The following AP3B1 variants were observed in gnomAD, a reference collection of about 807,000 sequenced individuals.
AP3B1 encodes AP-3 complex subunit beta-1.
AP3B1 carries 61 observed loss-of-function variants against 132.5 expected under a neutral mutation model. The ratio of observed to expected loss-of-function variants is 0.46; its 90% CI spans 0.37 to 0.57. AP3B1 has a LOEUF of 0.57. Among genes scored for constraint, AP3B1 ranks in the 20% least tolerant of loss-of-function variants. The pLI, the probability that AP3B1 is intolerant of heterozygous loss-of-function variation, is 0.00. For missense variants in AP3B1, 1,120 were observed against 1,289.4 expected, an observed-to-expected ratio of 0.87 and a Z score of 2.01; for synonymous variants, 388 against 438.3, an observed-to-expected ratio of 0.89 and a Z score of 1.43.
chr5:78,099,138 A>G (rs1286122010), intron 21 of AP3B1, among the ~76,000 whole-genome samples: 4 of 152,198 alleles, frequency 2.6e-5, no homozygotes, highest in African/African-American at 9.7e-5. Context: ...CTATCTCTGA[A>G]GCAGAGCTAG....
intron 8 of AP3B1, 103 bp from the exon 9 acceptor site, chr5:78,177,539 C>T (rs1161631437): frequency 2.2e-6 from 2 of 889,260 alleles, no homozygotes; most frequent in Non-Finnish European, 3.8e-6. Flanking sequence ...CTACAAATTC[C>T]TGTGACGTAA....
intron 17 of AP3B1, among the ~76,000 whole-genome samples, chr5:78,124,019 T>TA (rs1211138608): frequency 2.0e-5 from 3 of 152,104 alleles, no homozygotes; most frequent in African/African-American, 7.2e-5. Context: ...TATGCAGCCA[T>TA]AAAAAATGAT....
chr5:78,275,493 T>G lies in AP3B1; in HGVS notation c.129-7898A>C, dbSNP rs553086751. On this transcript the variant is annotated intron_variant, in intron 1 of 26. Transcript: ENST00000255194. ...TAATCATGATAGGCAATTTTTTTTTTTGGGGGACAGTCTTGCTCTGTCACC... is the reference window on the plus strand; with the variant it reads ...TAATCATGATAGGCAATTTTTTTTTGTGGGGGACAGTCTTGCTCTGTCACC... Among the ~76,000 whole-genome samples the G allele has an allele frequency of 1.1e-3, 165 of 152,280 alleles. 1 individual carries two copies. Among genetic ancestry groups the G allele is most frequent in the African/African-American group, 3.7e-3 (154 of 41,558 alleles).
chr5:78,015,479 A>G lies in AP3B1; in HGVS notation c.3062T>C (p.Val1021Ala), dbSNP rs781365567. ...TACATTTACAACCTTCTGAAAGATC[A>G]CAGAGGGAGTGAAATTCTGTGGTGC... ...IAAPQNFTPS[V>A]IFQKVVNVAN... Residue 1021 changes from valine to alanine, a missense_variant, in exon 26 of 27, where the codon GTG (valine) becomes GCG (alanine). Val to Ala is a moderately conservative substitution (Grantham distance 64, BLOSUM62 0). Transcript: ENST00000255194. 13 of 1,613,776 alleles carry G rather than the reference A, an allele frequency of 8.1e-6. No homozygotes were observed. The highest frequency in any genetic ancestry group is 1.0e-5 in the Non-Finnish European group (12 of 1,179,760).
chr5:78,080,598 G>C (rs1445644332), intron 22 of AP3B1, among the ~76,000 whole-genome samples: 2 of 137,974 alleles, frequency 1.4e-5, no homozygotes, highest in African/African-American at 5.4e-5. Context: ...ATTACTCTCT[G>C]AAATACCCAC....
intron 16 of AP3B1, 63 bp from the exon 17 acceptor site, chr5:78,128,223 A>C: frequency 7.2e-7 from 1 of 1,396,076 alleles, no homozygotes; most frequent in Non-Finnish European, 9.9e-7. Context: ...GAGAACAATC[A>C]TAATCAGAGC....
intron 22 of AP3B1, among the ~76,000 whole-genome samples, chr5:78,075,366 T>C (rs547210404): frequency 3.3e-5 from 5 of 152,334 alleles, no homozygotes; most frequent in African/African-American, 1.2e-4. Flanking sequence ...TCATGAATTA[T>C]GGTTTGTTTT....
chr5:78,074,889 C>A (rs374462235), intron 22 of AP3B1, among the ~76,000 whole-genome samples: 127 of 152,134 alleles, frequency 8.3e-4, no homozygotes, highest in African/African-American at 3.0e-3. Context: ...GCTGAGATTG[C>A]GCCACTGCAC....
At chr5:78,237,808 G>A (rs960040038) in intron 3 of AP3B1, among the ~76,000 whole-genome samples, 12 of 151,944 alleles carry the variant, frequency 7.9e-5, no homozygotes, top group African/African-American at 2.7e-4. Flanking sequence ...GCGAGACCCT[G>A]TCTCCAAAAA....
At chr5:78,026,310 T>A (rs1278183013) in intron 24 of AP3B1, among the ~76,000 whole-genome samples, 3 of 152,238 alleles carry the variant, frequency 2.0e-5, no homozygotes, top group Non-Finnish European at 4.4e-5. Context: ...AGATTCTACT[T>A]GGTACACATT....
intron 15 of AP3B1, among the ~76,000 whole-genome samples, chr5:78,134,900 T>C (rs1421881931): frequency 6.6e-6 from 1 of 152,182 alleles, no homozygotes; most frequent in East Asian, 1.9e-4. Context: ...TTAGATGTAA[T>C]TTCTGAATTT....
intron 2 of AP3B1, among the ~76,000 whole-genome samples, chr5:78,260,296 A>T (rs1748030610): frequency 6.6e-6 from 1 of 152,068 alleles, no homozygotes. Context: ...ACTCTAAAGA[A>T]TGAGGAGGGG....
At chr5:78,220,748 A>G (rs1188190127) in intron 6 of AP3B1, among the ~76,000 whole-genome samples, 1 of 152,036 alleles carries the variant, frequency 6.6e-6, no homozygotes, top group African/African-American at 2.4e-5. Flanking sequence ...GTGAAATAAC[A>G]GAAAAAAAGA....
intron 7 of AP3B1, among the ~76,000 whole-genome samples, chr5:78,203,678 C>T (rs1745389874): frequency 6.6e-6 from 1 of 151,944 alleles, no homozygotes; most frequent in African/African-American, 2.4e-5. Context: ...TTCTATTTGC[C>T]CCTTTCTCTC....
chr5:78,174,251 TAGG>T (rs1744049741), intron 11 of AP3B1, among the ~76,000 whole-genome samples: 2 of 152,222 alleles, frequency 1.3e-5, no homozygotes, highest in African/African-American at 4.8e-5. Context: ...CAATCCTTTG[TAGG>T]AGAAGAGGTC....
At chr5:78,156,144 G>T in intron 14 of AP3B1, 114 bp downstream of exon 14, 1 of 747,716 alleles carries the variant, frequency 1.3e-6, no homozygotes, top group Non-Finnish European at 2.3e-6. Context: ...TCTCAGAATT[G>T]GAATCCAGAC....
chr5:78,282,248 C>T (rs114908916), intron 1 of AP3B1, among the ~76,000 whole-genome samples: 1,527 of 152,186 alleles, frequency 0.01, 22 homozygotes, highest in African/African-American at 0.034. Context: ...GACCATTTAG[C>T]CCCTCCTCTT....
intron 23 of AP3B1, among the ~76,000 whole-genome samples, chr5:78,034,799 A>G (rs1747732745): frequency 6.6e-6 from 1 of 151,998 alleles, no homozygotes; most frequent in African/African-American, 2.4e-5. Flanking sequence ...CCTGTAATGG[A>G]CTTTGGGAGT....
chr5:78,275,314 A>C (rs991902372), intron 1 of AP3B1, among the ~76,000 whole-genome samples: 1 of 152,254 alleles, frequency 6.6e-6, no homozygotes, highest in Non-Finnish European at 1.5e-5. Flanking sequence ...GTTTTCAAAC[A>C]AATAAAAGCT....
Sources: gnomAD v4.1 joint callset for allele counts (sites outside exome capture counted in the v4.1 genomes callset) on GRCh38, gnomAD v4.1.1 for gene constraint, MANE v1.5 for transcripts, NCBI Gene and HGNC (gene_info 2026-07-23, HGNC 2026-07-21) for gene names.